CSAD: variants seen among roughly 807,000 people sequenced by gnomAD.
CSAD encodes the protein P-selectin cytoplasmic tail-associated protein.
In CSAD, 47 loss-of-function variants were observed where a neutral mutation model predicts 61.5. The ratio of observed to expected loss-of-function variants is 0.76; its 90% CI spans 0.60 to 0.97. The LOEUF is 0.97. CSAD is among the 50% of genes least tolerant of loss of function. The probability of loss-of-function intolerance (pLI) is 0.00; values close to 1 mark genes in which losing one functional copy is unlikely to be tolerated. For missense variants in CSAD, 611 were observed against 643.6 expected (o/e 0.95, Z 0.55); for synonymous variants, 245 against 252.7 (o/e 0.97, Z 0.29).
At chr12:53,170,173 G>A (rs1250914750) in intron 9 of CSAD, 47 bp from the exon 10 acceptor site, 1 of 1,564,000 alleles carries the variant, frequency 6.4e-7, no homozygotes, top group Non-Finnish European at 8.8e-7. Flanking sequence ...GTTCTCTGTT[G>A]AAGGCAGGGT....
chr12:53,179,634 A>C, intron 1 of CSAD: 1 of 713,576 alleles, frequency 1.4e-6, no homozygotes, highest in Middle Eastern at 2.7e-4. Flanking sequence ...CAATGGCCCA[A>C]ATCATGGAGT....
rs1938846766 is a variant in CSAD at position 53,158,621 on chromosome 12, G to A, written c.1372C>T (p.His458Tyr). ...CGGAAGAAGTTGCCCCGGGTCCCGT[G>A]GGGCTGGTAGCCAATCATCATGGAG... Reference protein sequence around the residue: ...EGSMMIGYQPHGTRGNFFRVV... With the variant: ...EGSMMIGYQPYGTRGNFFRVV... The change falls in exon 17 of 17, where the codon CAC becomes TAC. Residue 458 changes from histidine (H) to tyrosine (Y), a missense_variant. Physicochemically the swap from His to Tyr is moderately conservative, Grantham distance 83. Coordinates refer to ENST00000444623, the MANE Select transcript of CSAD (RefSeq NM_001244705.2). 6.2e-7 allele frequency: 1 copy of A among 1,614,048 alleles called. No homozygotes were observed.
rs1043758288 is a variant in CSAD, at chr12:53,161,467, T to C, written c.703-78A>G. 8 of 1,214,052 alleles carry C rather than the reference T, an allele frequency of 6.6e-6. No individual in the cohort carries two copies. The African/African-American group carries it at 1.0e-4, about 16-fold the overall frequency. The allele number at this position is 1,214,052 out of a possible 1,614,324, so 75.2% of individuals were successfully genotyped here. A position where few individuals can be genotyped will look rare whatever the true frequency, so the allele number is the denominator to read the frequency against. ...CAGAGCCTGATGCTGGGCCCAGCTC[T>C]AAGCTCTTTGCATGCCTAAAATGGC... On this transcript the variant is annotated intron_variant, in intron 10 of 16. Coordinates refer to ENST00000444623, the MANE Select transcript of CSAD (RefSeq NM_001244705.2).
chr12:53,158,529 C>A lies in CSAD; in HGVS notation c.1464G>T (p.Arg488=), dbSNP rs1386760580. ...DMDFLLNELE[R]LGQDL Reference sequence around the variant, plus strand: ...AGAAGGCTCACAGGTCCTGGCCTAGCCGCTCCAGCTCGTTGAGGAGGAAGT... The same window carrying A: ...AGAAGGCTCACAGGTCCTGGCCTAGACGCTCCAGCTCGTTGAGGAGGAAGT... The change falls in exon 17 of 17, where the codon CGG becomes CGT. Residue 488 remains arginine (R), a synonymous_variant. Transcript: ENST00000444623. 5 of 1,613,212 alleles carry A rather than the reference C, an allele frequency of 3.1e-6. No individual in the cohort carries two copies. The East Asian group carries it at 8.9e-5, about 29-fold the overall frequency.
intron 10 of CSAD, among the ~76,000 whole-genome samples, chr12:53,163,506 T>G (rs956307221): frequency 1.5e-4 from 23 of 152,026 alleles, no homozygotes; most frequent in Admixed American, 5.9e-4. Context: ...AAAAATCAAT[T>G]GTATCTCTAT....
Position 53,158,423 on chromosome 12 carries a change from A to T in CSAD, c.*88T>A. On this transcript the variant is annotated 3_prime_UTR_variant, in exon 17 of 17. Coordinates refer to ENST00000444623, the MANE Select transcript of CSAD (RefSeq NM_001244705.2). ...AGTGCTGGGATTACAGGCGTGAGCC[A>T]CTGCACCCGGCCTCAAAGGCTGGGA... 7.1e-7 allele frequency: 1 copy of T among 1,408,122 alleles called. No homozygotes were observed. Among genetic ancestry groups the T allele is most frequent in the Non-Finnish European group, 9.8e-7 (1 of 1,022,372 alleles). The allele number at this position is 1,408,122 out of a possible 1,614,324, so 87.2% of individuals were successfully genotyped here.
rs547750043 is a variant in CSAD, at chr12:53,161,591, C to T, written c.703-202G>A. Among the ~76,000 whole-genome samples the T allele has an allele frequency of 2.3e-3, 351 of 151,838 alleles. 1 individual carries two copies. The highest frequency in any genetic ancestry group is 8.1e-3 in the African/African-American group (334 of 41,410). On this transcript the variant is annotated intron_variant, in intron 10 of 16. Coordinates refer to ENST00000444623, the MANE Select transcript of CSAD (RefSeq NM_001244705.2). ...AAGCAGAAGCTGCAGAGATGGACTT[C>T]GAACCTAGGTTTTCATTTCCAAAGC...
chr12:53,180,948 C>T, upstream of CSAD: 1 of 413,570 alleles, frequency 2.4e-6, no homozygotes, highest in Non-Finnish European at 3.0e-6. Context: ...GGAGGAGGGG[C>T]GCGTGGCGAA....
intron 7 of CSAD, chr12:53,171,654 G>C (rs914416220): frequency 1.6e-6 from 1 of 623,832 alleles, no homozygotes; most frequent in African/African-American, 1.8e-5. Context: ...GCCCCCAAGA[G>C]ACAGCCCCCG....
chr12:53,158,753 C>T, intron 16 of CSAD, 69 bp from the exon 17 acceptor site: 1 of 1,477,938 alleles, frequency 6.8e-7, no homozygotes, highest in Non-Finnish European at 9.2e-7. Context: ...GCTTCTTGTC[C>T]TGCCAGGCTT....
chr12:53,161,873 T>A (rs912180381), intron 10 of CSAD, among the ~76,000 whole-genome samples: 2 of 151,924 alleles, frequency 1.3e-5, no homozygotes, highest in Non-Finnish European at 2.9e-5. Context: ...GATGGGAGGA[T>A]TGCTTGAGCC....
chr12:53,166,585 G>GC (rs1351155675), intron 10 of CSAD, among the ~76,000 whole-genome samples: 6 of 151,920 alleles, frequency 3.9e-5, no homozygotes, highest in African/African-American at 1.5e-4. Context: ...ATCACTTAAG[G>GC]CCAGGAGTTC....
chr12:53,160,842 G>A lies in CSAD; in HGVS notation c.887C>T (p.Ala296Val). 6.4e-7 allele frequency: 1 copy of A among 1,551,854 alleles called. No individual in the cohort carries two copies. Among genetic ancestry groups the A allele is most frequent in the Non-Finnish European group, 8.7e-7 (1 of 1,147,018 alleles). ...GTGGGGATTCCAGGCCACAGAGTCA[G>A]CCCTGGATGGGGTGGAGCAAAGGCA... is the stretch of plus-strand genomic sequence containing the variant. ...HRHLLDGIQR[A>V]DSVAWNPHKL... Residue 296 changes from alanine (A) to valine (V), a missense_variant and splice_region_variant, in exon 13 of 17, where the codon GCT becomes GTT. By Grantham distance (64) the Ala-to-Val change is moderately conservative. Coordinates refer to ENST00000444623, the MANE Select transcript of CSAD (RefSeq NM_001244705.2).
At chr12:53,179,966 T>C (rs1287497678) in intron 1 of CSAD, 1 of 1,523,774 alleles carries the variant, frequency 6.6e-7, no homozygotes, top group Non-Finnish European at 8.7e-7. Context: ...ACTGTGGGAG[T>C]CAGGGTCTTT....
chr12:53,179,004 C>A (rs1941330677), intron 2 of CSAD, 98 bp downstream of exon 2: 1 of 152,172 alleles, frequency 6.6e-6, no homozygotes, highest in South Asian at 2.1e-4. Context: ...CAGGCATGTG[C>A]CACCACGCCC....
At chr12:53,166,427 G>C (rs1004304563) in intron 10 of CSAD, 3 of 156,448 alleles carry the variant, frequency 1.9e-5, no homozygotes, top group African/African-American at 7.2e-5. Flanking sequence ...ACAGAAAGTA[G>C]AATGGTGGCT....
rs190185501 is a variant in CSAD at position 53,173,900 on chromosome 12, A to C, written c.-49-130T>G. The C allele has an allele frequency of 7.7e-4, 645 of 841,956 alleles. No individual in the cohort carries two copies. In the African/African-American group the frequency reaches 9.9e-3, roughly 13 times the overall value. 52.2% of individuals were successfully genotyped at this position (841,956 alleles called of 1,614,324 possible). A position where few individuals can be genotyped will look rare whatever the true frequency, so the allele number is the denominator to read the frequency against. On this transcript the variant is annotated intron_variant, in intron 2 of 16. Coordinates refer to ENST00000444623, the MANE Select transcript of CSAD (RefSeq NM_001244705.2). ...TAACGCCAGAACATTTTCATCACCCAAAAAAAAACCTCAGTAGCAGTCATT... is the reference window on the plus strand; with the variant it reads ...TAACGCCAGAACATTTTCATCACCCCAAAAAAAACCTCAGTAGCAGTCATT...
chr12:53,160,574 ACTTTT>A (rs1408688765), intron 13 of CSAD, among the ~76,000 whole-genome samples, 184 bp downstream of exon 13: 5 of 151,608 alleles, frequency 3.3e-5, no homozygotes, highest in Non-Finnish European at 7.3e-5. Flanking sequence ...CAAGCTGGAA[ACTTTT>A]CTTTTAAGAG....
intron 10 of CSAD, 21 bp downstream of exon 10, chr12:53,170,051 C>T (rs199564889): frequency 5.6e-6 from 9 of 1,610,040 alleles, no homozygotes; most frequent in Non-Finnish European, 7.7e-6. Flanking sequence ...TATATCACCC[C>T]AGCGAGCCTC....
Sources: gnomAD v4.1 joint callset for allele counts (sites outside exome capture counted in the v4.1 genomes callset) on GRCh38, gnomAD v4.1.1 for gene constraint, MANE v1.5 for transcripts, NCBI Gene and HGNC (gene_info 2026-07-23, HGNC 2026-07-21) for gene names.